The following PTPRR variants were observed in gnomAD, a reference collection of about 807,000 sequenced individuals.
PTPRR encodes the protein receptor-type tyrosine-protein phosphatase R.
In PTPRR, 38 loss-of-function variants were observed where a neutral mutation model predicts 77.2. The ratio of observed to expected loss-of-function variants is 0.49; its 90% confidence interval spans 0.38 to 0.65. PTPRR has a LOEUF of 0.65. Ranked by LOEUF, PTPRR falls within the 30% of genes least tolerant of loss-of-function variation. The pLI, the probability that PTPRR is intolerant of heterozygous loss-of-function variation, is 0.00. For synonymous variants in PTPRR, 299 were observed against 283.1 expected, an observed-to-expected ratio of 1.06 and a Z score of -0.57; for missense variants, 744 against 799.2, an observed-to-expected ratio of 0.93 and a Z score of 0.83.
chr12:70,720,419 C>T (rs940853667), intron 6 of PTPRR, among the ~76,000 whole-genome samples: 1 of 152,048 alleles, frequency 6.6e-6, no homozygotes, highest in African/African-American at 2.4e-5. Context: ...ATAGCAACTG[C>T]TCCACAAATG....
At chr12:70,820,858 C>T (rs1299055742) in intron 2 of PTPRR, among the ~76,000 whole-genome samples, 1 of 152,200 alleles carries the variant, frequency 6.6e-6, no homozygotes, top group African/African-American at 2.4e-5. Flanking sequence ...TTTCCTATCT[C>T]CTCTTAGTAA....
chr12:70,682,433 G>T (rs1354026270), intron 10 of PTPRR, among the ~76,000 whole-genome samples: 1 of 152,114 alleles, frequency 6.6e-6, no homozygotes, highest in Non-Finnish European at 1.5e-5. Flanking sequence ...GCAAGATCAG[G>T]CTTTGTCTCC....
At chr12:70,705,098 G>A (rs1477440308) in intron 6 of PTPRR, among the ~76,000 whole-genome samples, 1 of 152,052 alleles carries the variant, frequency 6.6e-6, no homozygotes, top group East Asian at 1.9e-4. Context: ...GCAATAAACA[G>A]CATGCTAATT....
At chr12:70,796,826 G>C (rs139309145) in intron 2 of PTPRR, among the ~76,000 whole-genome samples, 3 of 151,578 alleles carry the variant, frequency 2.0e-5, no homozygotes, top group African/African-American at 7.3e-5. Context: ...TCAGGAGTTC[G>C]AGACCAGCCT....
At chr12:70,770,436 A>C (rs1890944221) in intron 2 of PTPRR, among the ~76,000 whole-genome samples, 1 of 152,230 alleles carries the variant, frequency 6.6e-6, no homozygotes, top group Admixed American at 6.5e-5. Flanking sequence ...CCATCAGAGA[A>C]ATGCAAATCA....
intron 10 of PTPRR, among the ~76,000 whole-genome samples, chr12:70,682,197 C>T (rs1432649273): frequency 6.6e-6 from 1 of 151,072 alleles, no homozygotes; most frequent in Non-Finnish European, 1.5e-5. Context: ...GCGCCCGCCA[C>T]CACGCCCGGC....
At chr12:70,723,275 G>T (rs1238660702) in intron 6 of PTPRR, among the ~76,000 whole-genome samples, 1 of 151,658 alleles carries the variant, frequency 6.6e-6, no homozygotes, top group Non-Finnish European at 1.5e-5. Context: ...TTAAATCAAG[G>T]CACATCACCA....
At chr12:70,796,728 TA>T (rs1285199951) in intron 2 of PTPRR, among the ~76,000 whole-genome samples, 1 of 151,040 alleles carries the variant, frequency 6.6e-6, no homozygotes. Context: ...CGGTGTGATT[TA>T]AAAAAAAAAT....
chr12:70,770,705 C>T (rs1890950739), intron 2 of PTPRR, among the ~76,000 whole-genome samples: 1 of 152,130 alleles, frequency 6.6e-6, no homozygotes. Context: ...CACATGCACA[C>T]ATAGGTTTAT....
chr12:70,769,838 A>C (rs1233559283), intron 2 of PTPRR, among the ~76,000 whole-genome samples: 96 of 152,030 alleles, frequency 6.3e-4, no homozygotes, highest in Admixed American at 9.2e-4. Flanking sequence ...CAGAACAGAG[A>C]CCTCAGAAAT....
At chr12:70,692,525 C>G (rs759124415) in intron 8 of PTPRR, among the ~76,000 whole-genome samples, 1 of 152,158 alleles carries the variant, frequency 6.6e-6, no homozygotes, top group Non-Finnish European at 1.5e-5. Flanking sequence ...AAGAGGGGTA[C>G]TTAGCAAGAT....
intron 10 of PTPRR, among the ~76,000 whole-genome samples, chr12:70,669,330 A>G (rs1887124096): frequency 6.6e-6 from 1 of 151,886 alleles, no homozygotes; most frequent in Non-Finnish European, 1.5e-5. Flanking sequence ...AACCTCCCAA[A>G]CCAGAAGTCC....
intron 2 of PTPRR, among the ~76,000 whole-genome samples, chr12:70,862,249 T>C (rs2137079902): frequency 6.6e-6 from 1 of 152,224 alleles, no homozygotes; most frequent in Non-Finnish European, 1.5e-5. Context: ...ATGGGTAACC[T>C]ACTTGAGTCT....
intron 6 of PTPRR, among the ~76,000 whole-genome samples, chr12:70,720,028 A>G (rs1232310053): frequency 2.6e-5 from 4 of 152,232 alleles, no homozygotes; most frequent in African/African-American, 9.6e-5. Flanking sequence ...AGGCGCAACC[A>G]TCGCTCTTCT....
chr12:70,840,971 CTT>C (rs35818832), intron 2 of PTPRR, among the ~76,000 whole-genome samples: 14 of 133,246 alleles, frequency 1.1e-4, no homozygotes, highest in Non-Finnish European at 1.4e-4. Flanking sequence ...GTTTTTATGG[CTT>C]TTTTTTTTTT....
At chr12:70,705,742 G>A (rs932064) in intron 6 of PTPRR, among the ~76,000 whole-genome samples, 128,094 of 151,892 alleles carry the variant, frequency 0.84, 54,555 homozygotes, top group East Asian at 1. Flanking sequence ...TTGGTTCTGT[G>A]AAAAGTATAT....
intron 2 of PTPRR, among the ~76,000 whole-genome samples, chr12:70,779,997 C>T (rs556619725): frequency 1.4e-5 from 2 of 146,264 alleles, no homozygotes; most frequent in Admixed American, 6.8e-5. Context: ...TTGAAACTCA[C>T]TTTTTTTTTT....
chr12:70,918,676 T>C (rs1260533309), intron 1 of PTPRR, among the ~76,000 whole-genome samples: 3 of 152,250 alleles, frequency 2.0e-5, no homozygotes, highest in African/African-American at 7.2e-5. Flanking sequence ...ATGTATCAAA[T>C]GTGATCTTTA....
intron 10 of PTPRR, among the ~76,000 whole-genome samples, chr12:70,673,223 C>T (rs564161111): frequency 6.6e-6 from 1 of 152,256 alleles, no homozygotes; most frequent in South Asian, 2.1e-4. Flanking sequence ...TACACACCCT[C>T]TAGGAAATGT....
Sources: gnomAD v4.1 joint callset for allele counts (sites outside exome capture counted in the v4.1 genomes callset) on GRCh38, gnomAD v4.1.1 for gene constraint, MANE v1.5 for transcripts, NCBI Gene and HGNC (gene_info 2026-07-23, HGNC 2026-07-21) for gene names.